The following POFUT3 variants were observed in gnomAD, a reference collection of about 807,000 sequenced individuals.
The protein encoded by POFUT3 is GDP-fucose protein O-fucosyltransferase 3.
the POFUT3 span, among the ~76,000 whole-genome samples, chr8:33,318,390 T>C: frequency 2.0e-5 from 3 of 146,764 alleles, no homozygotes; most frequent in Non-Finnish European, 3.0e-5. Flanking sequence ...GGGAAAAGAG[T>C]GAGGGGAAGG....
the POFUT3 span, among the ~76,000 whole-genome samples, chr8:33,416,253 G>A: frequency 6.6e-6 from 1 of 152,220 alleles, no homozygotes; most frequent in Admixed American, 6.5e-5. Context: ...CCAGGAAAGT[G>A]GATATCCACG....
the POFUT3 span, among the ~76,000 whole-genome samples, chr8:33,446,456 C>CAAAA: frequency 8.0e-4 from 111 of 138,472 alleles, no homozygotes; most frequent in African/African-American, 2.9e-3. Flanking sequence ...GATCCTATTA[C>CAAAA]AAAAAAAAAA....
the POFUT3 span, chr8:33,452,046 T>C: frequency 1.2e-4 from 19 of 152,138 alleles, no homozygotes; most frequent in Admixed American, 4.6e-4. Context: ...CCAAACCATA[T>C]CAGTATATAC....
chr8:33,452,162 T>C, the POFUT3 span: 1 of 152,278 alleles, frequency 6.6e-6, no homozygotes, highest in Admixed American at 6.5e-5. Flanking sequence ...TATACGTGTG[T>C]ACAACTTGTT....
chr8:33,380,174 T>TATATATATATACTATATATATAC, the POFUT3 span, among the ~76,000 whole-genome samples: 24 of 52,836 alleles, frequency 4.5e-4, 2 homozygotes, highest in African/African-American at 4.1e-3. Flanking sequence ...TATATATATA[T>TATATATATATACTATATATATAC]ACTATATATA....
At chr8:33,393,875 G>A in the POFUT3 span, among the ~76,000 whole-genome samples, 1 of 152,230 alleles carries the variant, frequency 6.6e-6, no homozygotes, top group Non-Finnish European at 1.5e-5. Context: ...TGCTTCTGCA[G>A]AATGCTCTCC....
the POFUT3 span, chr8:33,436,430 T>C: frequency 6.9e-7 from 1 of 1,443,362 alleles, no homozygotes. Flanking sequence ...AGCTCCTTAT[T>C]GGTACAGGTG....
chr8:33,466,507 G>A, the POFUT3 span, among the ~76,000 whole-genome samples: 2 of 151,818 alleles, frequency 1.3e-5, no homozygotes, highest in Non-Finnish European at 2.9e-5. Flanking sequence ...AAGAAGGGCA[G>A]GGCAGGGAAG....
the POFUT3 span, among the ~76,000 whole-genome samples, chr8:33,340,234 GCA>G: frequency 5.3e-5 from 8 of 151,794 alleles, no homozygotes; most frequent in Admixed American, 1.3e-4. Flanking sequence ...ATCAAATAAT[GCA>G]CACACACACA....
the POFUT3 span, among the ~76,000 whole-genome samples, chr8:33,373,114 T>C: frequency 2.6e-5 from 4 of 152,182 alleles, no homozygotes; most frequent in African/African-American, 9.7e-5. Context: ...TATTTATCTG[T>C]TGATTTGTTT....
chr8:33,372,798 G>C, the POFUT3 span: 2 of 1,613,690 alleles, frequency 1.2e-6, no homozygotes, highest in Admixed American at 1.7e-5. Context: ...CTTTTGGGTG[G>C]TAAGCCCTGC....
chr8:33,376,741 T>G, the POFUT3 span, among the ~76,000 whole-genome samples: 1 of 152,142 alleles, frequency 6.6e-6, no homozygotes, highest in Non-Finnish European at 1.5e-5. Flanking sequence ...GGACCAAAGG[T>G]AGGCTCAAAA....
At chr8:33,443,530 T>C in the POFUT3 span, among the ~76,000 whole-genome samples, 3 of 152,182 alleles carry the variant, frequency 2.0e-5, no homozygotes, top group Non-Finnish European at 4.4e-5. Context: ...GTCTGGCCTG[T>C]CACCCAGGCT....
At chr8:33,358,210 G>T in the POFUT3 span, among the ~76,000 whole-genome samples, 1 of 152,188 alleles carries the variant, frequency 6.6e-6, no homozygotes, top group Non-Finnish European at 1.5e-5. Flanking sequence ...CCAGGATGGT[G>T]CCATTGCACT....
the POFUT3 span, chr8:33,372,604 C>T: frequency 1.2e-3 from 1,868 of 1,613,828 alleles, 2 homozygotes; most frequent in Non-Finnish European, 1.5e-3. Flanking sequence ...GGCCCCAAAA[C>T]TCTTGAGATG....
At chr8:33,412,962 G>A in the POFUT3 span, among the ~76,000 whole-genome samples, 1 of 152,036 alleles carries the variant, frequency 6.6e-6, no homozygotes, top group Non-Finnish European at 1.5e-5. Flanking sequence ...GGGCACCAAG[G>A]CATTGCAGTA....
the POFUT3 span, among the ~76,000 whole-genome samples, chr8:33,454,347 C>A: frequency 1.3e-5 from 2 of 152,292 alleles, no homozygotes; most frequent in South Asian, 4.1e-4. Flanking sequence ...AGCAACACTG[C>A]ATCTCTCTGA....
chr8:33,472,501 GCGGTTGC>G, the POFUT3 span, among the ~76,000 whole-genome samples: 1 of 152,214 alleles, frequency 6.6e-6, no homozygotes, highest in Admixed American at 6.5e-5. Flanking sequence ...ACCCAGGCCT[GCGGTTGC>G]CGGTGCTTTC....
chr8:33,372,369 T>G, the POFUT3 span: 1 of 1,343,564 alleles, frequency 7.4e-7, no homozygotes, highest in East Asian at 2.9e-5. Flanking sequence ...ATAAGAAATA[T>G]TTCCTTTTTT....
Sources: allele counts gnomAD v4.1 joint callset (sites outside exome capture counted in the v4.1 genomes callset), GRCh38; gene constraint gnomAD v4.1.1; transcripts MANE v1.5; gene names NCBI Gene and HGNC (gene_info 2026-07-23, HGNC 2026-07-21).